The following PTPN14 variants were observed in gnomAD, a reference collection of about 807,000 sequenced individuals.
The protein encoded by PTPN14 is protein tyrosine phosphatase non-receptor type 14.
A neutral mutation model predicts 126.8 loss-of-function variants in PTPN14; 53 were observed. That is an observed-to-expected ratio of 0.42 (90% CI 0.34 to 0.53). The LOEUF (loss-of-function observed/expected upper bound fraction) is 0.53, where lower values mean the gene tolerates loss of function less well. Among genes scored for constraint, PTPN14 ranks in the 20% least tolerant of loss-of-function variants. The probability of loss-of-function intolerance (pLI) is 0.08; values close to 1 mark genes in which losing one functional copy is unlikely to be tolerated. For missense variants in PTPN14, 1,257 were observed against 1,552.9 expected (o/e 0.81, Z 3.20); for synonymous variants, 630 against 599.3 (o/e 1.05, Z -0.75).
chr1:214,359,710 G>A (rs980348965), intron 18 of PTPN14, among the ~76,000 whole-genome samples: 3 of 151,586 alleles, frequency 2.0e-5, no homozygotes, highest in South Asian at 2.1e-4. Flanking sequence ...GTGTAGAGAC[G>A]AGGTCTTACT....
At chr1:214,534,114 T>C (rs986696961) in intron 1 of PTPN14, among the ~76,000 whole-genome samples, 4 of 152,016 alleles carry the variant, frequency 2.6e-5, no homozygotes, top group Non-Finnish European at 5.9e-5. Flanking sequence ...AAAATGAAAA[T>C]TTCAAAACCC....
chr1:214,447,007 T>A (rs1660159111), intron 3 of PTPN14, among the ~76,000 whole-genome samples: 1 of 152,206 alleles, frequency 6.6e-6, no homozygotes, highest in Admixed American at 6.5e-5. Context: ...GCAAATATCT[T>A]ACTCTGCAGG....
intron 1 of PTPN14, among the ~76,000 whole-genome samples, chr1:214,489,444 C>T (rs1661183922): frequency 6.6e-6 from 1 of 152,196 alleles, no homozygotes; most frequent in African/African-American, 2.4e-5. Context: ...AATCTCCAAG[C>T]CTTTGAGTAT....
Position 214,354,467 on chromosome 1 carries a change from C to G in PTPN14, c.*3455G>C, listed in dbSNP as rs1325503473. On this transcript the variant is annotated 3_prime_UTR_variant, in exon 19 of 19. Coordinates refer to ENST00000366956, the MANE Select transcript of PTPN14 (RefSeq NM_005401.5). The stretch of plus-strand genomic sequence containing the variant: ...AAAGAAGTGCATACCAATGTCTATG[C>G]TATCTGTAAATGCTACCAGATACTC... 6.6e-6 allele frequency: 1 copy of G among 152,162 alleles called. No individual in the cohort carries two copies. Among genetic ancestry groups the G allele is most frequent in the African/African-American group, 2.4e-5 (1 of 41,438 alleles). 9.4% of individuals were successfully genotyped at this position (152,162 alleles called of 1,614,324 possible).
At chr1:214,509,228 T>C (rs1017692218) in intron 1 of PTPN14, among the ~76,000 whole-genome samples, 5 of 152,244 alleles carry the variant, frequency 3.3e-5, no homozygotes, top group Admixed American at 6.5e-5. Flanking sequence ...GAAAATCTGT[T>C]ATTTAGTGTA....
Position 214,394,997 on chromosome 1 carries a change from G to GAAAT in PTPN14, c.759-15_759-12dup, listed in dbSNP as rs1245078455. On this transcript the variant is annotated splice_polypyrimidine_tract_variant and intron_variant, in intron 8 of 18. Transcript: ENST00000366956. The stretch of plus-strand genomic sequence containing the variant: ...CCCATGTCATTCCACCTGGTTAGAA[G>GAAAT]AAATGTCACTGTGTTTACTCAACAA... 11 of 1,597,960 alleles carry GAAAT rather than the reference G, an allele frequency of 6.9e-6. No homozygotes were observed. Among genetic ancestry groups the GAAAT allele is most frequent in the African/African-American group, 1.3e-5 (1 of 74,536 alleles).
At chr1:214,499,267 T>C (rs552217250) in intron 1 of PTPN14, among the ~76,000 whole-genome samples, 1 of 152,032 alleles carries the variant, frequency 6.6e-6, no homozygotes, top group South Asian at 2.1e-4. Flanking sequence ...AAAAAATGAA[T>C]GAGGAGGCTC....
At chr1:214,451,246 G>C (rs186104962) in intron 3 of PTPN14, among the ~76,000 whole-genome samples, 1 of 152,208 alleles carries the variant, frequency 6.6e-6, no homozygotes, top group Non-Finnish European at 1.5e-5. Context: ...CTGCAGCCTT[G>C]AACTTCTGGG....
At chr1:214,470,302 A>G (rs1435597845) in intron 1 of PTPN14, among the ~76,000 whole-genome samples, 1 of 152,100 alleles carries the variant, frequency 6.6e-6, no homozygotes, top group Non-Finnish European at 1.5e-5. Context: ...TAAAATATAG[A>G]TCATAAAGCT....
intron 5 of PTPN14, among the ~76,000 whole-genome samples, chr1:214,404,841 G>A (rs1450908286): frequency 6.6e-6 from 1 of 152,160 alleles, no homozygotes; most frequent in Non-Finnish European, 1.5e-5. Context: ...ATCAAACACA[G>A]CCATTCATCC....
chr1:214,530,391 T>C (rs965268877), intron 1 of PTPN14: 1 of 150,228 alleles, frequency 6.7e-6, no homozygotes, highest in African/African-American at 2.5e-5. Context: ...CAGGCTGGTG[T>C]GCATCAGTGG....
At chr1:214,482,598 A>G (rs563661143) in intron 1 of PTPN14, among the ~76,000 whole-genome samples, 21 of 151,860 alleles carry the variant, frequency 1.4e-4, no homozygotes, top group African/African-American at 5.1e-4. Flanking sequence ...AAAATCACAT[A>G]GAAACTACTC....
rs1426107028 is a variant in PTPN14 at position 214,464,906 on chromosome 1, C to T, written c.-103G>A. ...GAAAATTACACTATCACCTGTGCTC[C>T]TCCAGGCAGGGAAAAGGGTGTCCAT... is the stretch of plus-strand genomic sequence containing the variant. On this transcript the variant is annotated 5_prime_UTR_variant, in exon 2 of 19. Transcript: ENST00000366956. The T allele has an allele frequency of 7.0e-7, 1 of 1,437,168 alleles. No homozygotes were observed. The highest frequency in any genetic ancestry group is 1.4e-5 in the African/African-American group (1 of 71,186). The allele number at this position is 1,437,168 out of a possible 1,614,324, so 89.0% of individuals were successfully genotyped here.
intron 1 of PTPN14, among the ~76,000 whole-genome samples, chr1:214,510,962 C>T (rs1047322304): frequency 6.6e-6 from 1 of 152,112 alleles, no homozygotes; most frequent in African/African-American, 2.4e-5. Context: ...ACTGCAGCCT[C>T]GAACTGCTGG....
At chr1:214,430,148 A>G (rs1261959296) in intron 3 of PTPN14, among the ~76,000 whole-genome samples, 1 of 152,052 alleles carries the variant, frequency 6.6e-6, no homozygotes, top group Non-Finnish European at 1.5e-5. Context: ...TTGCATTGCA[A>G]TTTTCCTCCC....
intron 1 of PTPN14, among the ~76,000 whole-genome samples, chr1:214,520,206 T>C (rs1022544485): frequency 9.2e-5 from 14 of 151,832 alleles, no homozygotes; most frequent in Admixed American, 2.6e-4. Context: ...GAGCTTACTA[T>C]GTGGCAGGCT....
chr1:214,513,527 C>T (rs2102446925), intron 1 of PTPN14, among the ~76,000 whole-genome samples: 1 of 152,182 alleles, frequency 6.6e-6, no homozygotes, highest in South Asian at 2.1e-4. Flanking sequence ...CCCTCATTGA[C>T]AGGGCAAGCA....
intron 1 of PTPN14, chr1:214,483,453 T>C (rs1661047514): frequency 2.9e-6 from 3 of 1,039,742 alleles, no homozygotes; most frequent in East Asian, 2.5e-5. Flanking sequence ...AAGCCTCGCC[T>C]AGTAATCTTG....
Position 214,384,329 on chromosome 1 carries a change from T to A in PTPN14, c.1526A>T (p.Lys509Ile), listed in dbSNP as rs1439042766. 3.1e-6 allele frequency: 5 copies of A among 1,614,014 alleles called. No homozygotes were observed. The highest frequency in any genetic ancestry group is 4.2e-6 in the Non-Finnish European group (5 of 1,180,022). The change falls in exon 13 of 19, where the codon AAA becomes ATA. Residue 509 changes from lysine (K) to isoleucine (I), a missense_variant. By Grantham distance (102) the Lys-to-Ile change is moderately radical. Around this residue, in one of 3 missense-constraint regions of PTPN14, gnomAD observed 1,021 missense variants for 1,183.3 expected, o/e 0.86. Coordinates refer to ENST00000366956, the MANE Select transcript of PTPN14 (RefSeq NM_005401.5). This position sits in a 1 kb window ranked among gnomAD's most constrained non-coding sequence, Gnocchi z 5.3. ...PYGPQGVYSNKLVSPSDQRNP... is the reference protein window; with the variant it reads ...PYGPQGVYSNILVSPSDQRNP... Reference sequence around the variant, plus strand: ...CCTCTGGTCAGATGGACTGACAAGTTTGTTGCTGTAGACCCCCTGTGGCCC... The same window carrying A: ...CCTCTGGTCAGATGGACTGACAAGTATGTTGCTGTAGACCCCCTGTGGCCC...
Sources: gnomAD v4.1 joint callset for allele counts (sites outside exome capture counted in the v4.1 genomes callset) on GRCh38, gnomAD v4.1.1 for gene constraint, gnomAD v4.1.1 regional missense constraint, Gnocchi (gnomAD v3.1) non-coding constraint, MANE v1.5 for transcripts, NCBI Gene and HGNC (gene_info 2026-07-23, HGNC 2026-07-21) for gene names.